Variants in KIF16B observed in about 807,000 individuals in gnomAD.
The protein encoded by KIF16B is kinesin family member 16B.
A neutral mutation model predicts 156.3 loss-of-function variants in KIF16B; 98 were observed. The ratio of observed to expected loss-of-function variants is 0.63; its 90% CI spans 0.53 to 0.74. The LOEUF (loss-of-function observed/expected upper bound fraction) is 0.74, where lower values mean the gene tolerates loss of function less well. KIF16B is among the 30% of genes least tolerant of loss of function. The pLI is 0.00. For missense variants in KIF16B, 1,421 were observed against 1,606.5 expected (o/e 0.88, Z 1.97); for synonymous variants, 564 against 583.7 (o/e 0.97, Z 0.49).
intron 22 of KIF16B, among the ~76,000 whole-genome samples, chr20:16,357,359 G>GAGGCCCA (rs1334574745): frequency 6.6e-6 from 1 of 152,142 alleles, no homozygotes; most frequent in Non-Finnish European, 1.5e-5. Flanking sequence ...TATCAGATGA[G>GAGGCCCA]AGGCCCAAGA....
intron 17 of KIF16B, among the ~76,000 whole-genome samples, chr20:16,388,627 A>T (rs6043918): frequency 6.8e-6 from 1 of 148,038 alleles, no homozygotes; most frequent in Non-Finnish European, 1.5e-5. Flanking sequence ...CATACAACCT[A>T]TTTTTTTTTT....
chr20:16,509,144 A>G (rs1193892753), intron 6 of KIF16B, among the ~76,000 whole-genome samples: 1 of 152,226 alleles, frequency 6.6e-6, no homozygotes, highest in Non-Finnish European at 1.5e-5. Flanking sequence ...TACATTAAAG[A>G]ACATTCTGTA....
intron 1 of KIF16B, among the ~76,000 whole-genome samples, chr20:16,565,330 C>A (rs2071212910): frequency 6.6e-6 from 1 of 152,108 alleles, no homozygotes; most frequent in Admixed American, 6.5e-5. Flanking sequence ...CATCACACAC[C>A]ATGTAGTTTC....
At chr20:16,361,784 T>C (rs954913841) in intron 22 of KIF16B, among the ~76,000 whole-genome samples, 7 of 152,236 alleles carry the variant, frequency 4.6e-5, no homozygotes, top group South Asian at 2.1e-4. Flanking sequence ...AAAGGTTTAG[T>C]TGACATTTCC....
At chr20:16,514,885 C>CAAAAAAA (rs10564862) in intron 4 of KIF16B, among the ~76,000 whole-genome samples, 1,014 of 60,600 alleles carry the variant, frequency 0.017, 1 homozygote, top group Non-Finnish European at 0.02. Context: ...GATTCCATCT[C>CAAAAAAA]AAAAAAAAAA....
intron 19 of KIF16B, among the ~76,000 whole-genome samples, chr20:16,375,907 T>C (rs1462713920): frequency 6.6e-6 from 1 of 152,128 alleles, no homozygotes. Context: ...GGCAGATACA[T>C]GGTCAGAAGA....
At chr20:16,335,805 C>T (rs2064025394) in intron 24 of KIF16B, 121 bp downstream of exon 24, 1 of 588,800 alleles carries the variant, frequency 1.7e-6, no homozygotes, top group Non-Finnish European at 2.9e-6. Context: ...GACTTAGTGA[C>T]ACTAATAAGC....
At chr20:16,418,389 G>A (rs1313758580) in intron 15 of KIF16B, among the ~76,000 whole-genome samples, 1 of 152,084 alleles carries the variant, frequency 6.6e-6, no homozygotes, top group Non-Finnish European at 1.5e-5. Flanking sequence ...CGAGTTCCTG[G>A]ACATGACACG....
chr20:16,413,727 AC>A (rs1434813881), intron 15 of KIF16B, among the ~76,000 whole-genome samples: 1 of 133,214 alleles, frequency 7.5e-6, no homozygotes, highest in Non-Finnish European at 1.6e-5. Context: ...ACCAAAACAT[AC>A]CCCCCGCCCT....
intron 17 of KIF16B, among the ~76,000 whole-genome samples, chr20:16,391,381 T>C (rs1382979764): frequency 6.6e-6 from 1 of 152,168 alleles, no homozygotes; most frequent in Non-Finnish European, 1.5e-5. Flanking sequence ...ATAATTCACC[T>C]GGTCAACATG....
Position 16,379,155 on chromosome 20 carries a change from C to A in KIF16B, c.2847G>T (p.Met949Ile), listed in dbSNP as rs769388507. 1.2e-6 allele frequency: 2 copies of A among 1,614,010 alleles called. No individual in the cohort carries two copies. The highest frequency in any genetic ancestry group is 1.7e-5 in the Admixed American group (1 of 60,000). ...DNTLYQVEKEMEEKEEQLAQY... is the reference protein window; with the variant it reads ...DNTLYQVEKEIEEKEEQLAQY... Reference sequence around the variant, plus strand: ...GTGCAAGCTGTTCTTCTTTTTCTTCCATTTCCTTTTCTACTTGATAAAGAG... The same window carrying A: ...GTGCAAGCTGTTCTTCTTTTTCTTCAATTTCCTTTTCTACTTGATAAAGAG... Residue 949 changes from methionine (M) to isoleucine (I), a missense_variant, in exon 19 of 26, where the codon ATG becomes ATT. Coordinates refer to ENST00000354981, the MANE Select transcript of KIF16B (RefSeq NM_024704.5).
chr20:16,278,505 G>C (rs964941973), intron 25 of KIF16B, among the ~76,000 whole-genome samples: 6 of 152,092 alleles, frequency 3.9e-5, no homozygotes, highest in Non-Finnish European at 8.8e-5. Context: ...TGCTGACATA[G>C]AGTACCTCGA....
At chr20:16,478,825 ATAG>A (rs1317175956) in intron 12 of KIF16B, among the ~76,000 whole-genome samples, 2 of 152,214 alleles carry the variant, frequency 1.3e-5, no homozygotes, top group African/African-American at 4.8e-5. Context: ...ATGTTTATGC[ATAG>A]TATACATAGG....
chr20:16,515,759 G>C (rs942894543), intron 3 of KIF16B, 95 bp from the exon 4 acceptor site: 2 of 695,526 alleles, frequency 2.9e-6, no homozygotes, highest in Admixed American at 4.5e-5. Flanking sequence ...GATACTTTCA[G>C]CTCTTAAGGA....
In KIF16B at chr20:16,416,735, A is replaced by C. The variant is rs551775977; in HGVS notation, c.1613-10279T>G. Among the ~76,000 whole-genome samples the C allele has an allele frequency of 5.9e-5, 9 of 152,160 alleles. No individual in the cohort carries two copies. The East Asian group carries it at 1.7e-3, about 29-fold the overall frequency. ...TGTACCCCAGAACTTTAAAAAAAAA[A>C]AAAACAGAGTAGCAGGTGGATTGAA... On this transcript the variant is annotated intron_variant, in intron 15 of 25. Coordinates refer to ENST00000354981, the MANE Select transcript of KIF16B (RefSeq NM_024704.5).
At chr20:16,499,808 T>G (rs1436455276) in intron 10 of KIF16B, among the ~76,000 whole-genome samples, 1 of 152,204 alleles carries the variant, frequency 6.6e-6, no homozygotes, top group South Asian at 2.1e-4. Context: ...TTTAAGCACG[T>G]GTAAAGAACG....
At chr20:16,490,829 G>T (rs532265321) in intron 12 of KIF16B, among the ~76,000 whole-genome samples, 1 of 152,112 alleles carries the variant, frequency 6.6e-6, no homozygotes, top group Middle Eastern at 3.2e-3. Context: ...TTTTATTTTT[G>T]TTTCTTGATA....
At chr20:16,527,052 G>A (rs994447751) in intron 2 of KIF16B, among the ~76,000 whole-genome samples, 2 of 152,218 alleles carry the variant, frequency 1.3e-5, no homozygotes, top group African/African-American at 4.8e-5. Flanking sequence ...AGAGTCAGCG[G>A]TCTTTTACCA....
chr20:16,408,515 A>G (rs2065842645), intron 15 of KIF16B, among the ~76,000 whole-genome samples: 1 of 152,212 alleles, frequency 6.6e-6, no homozygotes, highest in Admixed American at 6.5e-5. Flanking sequence ...AGATTAATAA[A>G]GCAATCACAT....
Sources: allele counts gnomAD v4.1 joint callset (sites outside exome capture counted in the v4.1 genomes callset), GRCh38; gene constraint gnomAD v4.1.1; transcripts MANE v1.5; gene names NCBI Gene and HGNC (gene_info 2026-07-23, HGNC 2026-07-21).